The following SMURF2 variants were observed in gnomAD, a reference collection of about 807,000 sequenced individuals.
SMURF2 encodes the protein E3 ubiquitin-protein ligase SMURF2.
A neutral mutation model predicts 109.6 loss-of-function variants in SMURF2; 48 were observed. The observed-to-expected ratio is 0.44, with a 90% CI of 0.35 to 0.56. SMURF2 has a LOEUF of 0.56. Ranked by LOEUF, SMURF2 falls within the 20% of genes least tolerant of loss-of-function variation. The pLI is 0.01. For missense variants in SMURF2, 575 were observed against 909.0 expected (o/e 0.63, Z 4.72); for synonymous variants, 288 against 317.1 (o/e 0.91, Z 0.97).
At chr17:64,576,873 C>CTCT (rs1969500017) in intron 9 of SMURF2, among the ~76,000 whole-genome samples, 1 of 81,484 alleles carries the variant, frequency 1.2e-5, no homozygotes, top group Non-Finnish European at 2.3e-5. Flanking sequence ...TTTTTCTATC[C>CTCT]TTTTTTTTTT....
chr17:64,586,808 T>C (rs1467731119), intron 5 of SMURF2, among the ~76,000 whole-genome samples: 3 of 144,538 alleles, frequency 2.1e-5, no homozygotes, highest in Admixed American at 6.9e-5. Context: ...GGTGTATTCA[T>C]GTACAAAGAA....
At chr17:64,635,095 G>C (rs1555691971) in intron 1 of SMURF2, among the ~76,000 whole-genome samples, 1 of 152,112 alleles carries the variant, frequency 6.6e-6, no homozygotes, top group African/African-American at 2.4e-5. Flanking sequence ...GGGAGGCCAG[G>C]GTGAGTGGAT....
rs111717263 is a variant in SMURF2 at position 64,640,856 on chromosome 17, T to C, written c.52+20973A>G. Reference sequence around the variant, plus strand: ...ATCATCTGAACCAGGGAGTCGGAGATTGCAGTAAGCCGAGATCATGCCACA... The same window carrying C: ...ATCATCTGAACCAGGGAGTCGGAGACTGCAGTAAGCCGAGATCATGCCACA... On this transcript the variant is annotated intron_variant, in intron 1 of 18. Transcript: ENST00000262435. Among the ~76,000 whole-genome samples the C allele has an allele frequency of 2.1e-3, 314 of 151,166 alleles. 1 individual carries two copies. Among genetic ancestry groups the C allele is most frequent in the African/African-American group, 7.3e-3 (299 of 41,094 alleles).
chr17:64,643,287 T>C (rs1598312333), intron 1 of SMURF2, among the ~76,000 whole-genome samples: 1 of 152,162 alleles, frequency 6.6e-6, no homozygotes, highest in South Asian at 2.1e-4. Context: ...CCTCCCAAAG[T>C]GCTGAGATTA....
Position 64,546,416 on chromosome 17 carries a change from A to G in SMURF2, c.2072-78T>C, listed in dbSNP as rs1968955425. 5 of 1,272,766 alleles carry G rather than the reference A, an allele frequency of 3.9e-6. No individual in the cohort carries two copies. In the South Asian group the frequency reaches 6.3e-5, roughly 16 times the overall value. The allele number at this position is 1,272,766 out of a possible 1,614,324, so 78.8% of individuals were successfully genotyped here. A position where few individuals can be genotyped will look rare whatever the true frequency, so the allele number is the denominator to read the frequency against. ...CCAAAATCTTAAGAATAAAACTGGT[A>G]AGTTAACCACAGGATCTGGGGATAG... On this transcript the variant is annotated intron_variant, in intron 17 of 18. Coordinates refer to ENST00000262435, the MANE Select transcript of SMURF2 (RefSeq NM_022739.4).
At chr17:64,548,786 A>G (rs555643785) in intron 16 of SMURF2, among the ~76,000 whole-genome samples, 2 of 152,330 alleles carry the variant, frequency 1.3e-5, no homozygotes, top group African/African-American at 4.8e-5. Flanking sequence ...AGGGTCACAC[A>G]GATGAACTAT....
At chr17:64,613,848 T>C (rs1007120226) in intron 1 of SMURF2, among the ~76,000 whole-genome samples, 2 of 151,604 alleles carry the variant, frequency 1.3e-5, no homozygotes, top group Non-Finnish European at 2.9e-5. Context: ...TAATATATAA[T>C]AGAATAATTA....
At chr17:64,615,955 G>C (rs974916262) in intron 1 of SMURF2, among the ~76,000 whole-genome samples, 9 of 151,838 alleles carry the variant, frequency 5.9e-5, no homozygotes, top group African/African-American at 2.2e-4. Flanking sequence ...TCAGCCTCTC[G>C]AGTAGCTGGG....
chr17:64,661,072 T>C (rs1001569324), intron 1 of SMURF2, among the ~76,000 whole-genome samples: 10 of 151,902 alleles, frequency 6.6e-5, no homozygotes, highest in African/African-American at 2.2e-4. Context: ...TACTTAGCAA[T>C]GCACCCCCCC....
At chr17:64,578,849 T>C (rs1276325681) in intron 8 of SMURF2, among the ~76,000 whole-genome samples, 4 of 152,144 alleles carry the variant, frequency 2.6e-5, no homozygotes, top group Non-Finnish European at 4.4e-5. Context: ...CAAATCAAGA[T>C]TGTCACAATA....
chr17:64,588,231 A>G (rs1368055389), intron 5 of SMURF2, among the ~76,000 whole-genome samples: 1 of 152,116 alleles, frequency 6.6e-6, no homozygotes, highest in Non-Finnish European at 1.5e-5. Flanking sequence ...TCCCACGCTC[A>G]AACAATCCTC....
intron 11 of SMURF2, 84 bp downstream of exon 11, chr17:64,562,687 C>G (rs1969239589): frequency 1.4e-6 from 2 of 1,389,598 alleles, no homozygotes; most frequent in Non-Finnish European, 2.0e-6. Context: ...CAATTTCTCT[C>G]TAATTTAAAA....
At chr17:64,551,368 A>AG (rs1568170678) in intron 16 of SMURF2, among the ~76,000 whole-genome samples, 1 of 151,952 alleles carries the variant, frequency 6.6e-6, no homozygotes, top group Non-Finnish European at 1.5e-5. Flanking sequence ...GAAAAAAAAA[A>AG]AGAGAGAGAG....
intron 1 of SMURF2, among the ~76,000 whole-genome samples, chr17:64,649,893 C>T (rs1445634923): frequency 6.6e-6 from 1 of 152,046 alleles, no homozygotes; most frequent in Non-Finnish European, 1.5e-5. Flanking sequence ...ACATAAATAC[C>T]TAATTATATT....
intron 2 of SMURF2, among the ~76,000 whole-genome samples, chr17:64,599,842 T>C (rs1247341679): frequency 6.6e-6 from 1 of 152,154 alleles, no homozygotes; most frequent in Non-Finnish European, 1.5e-5. Context: ...GAAGGAGGAC[T>C]TTCCTAGCAA....
Position 64,662,073 on chromosome 17 carries a change from C to T in SMURF2, c.-193G>A. 1 of 1,091,594 alleles carries T rather than the reference C, an allele frequency of 9.2e-7. No individual in the cohort carries two copies. The highest frequency in any genetic ancestry group is 1.1e-6 in the Non-Finnish European group (1 of 898,482). The allele number at this position is 1,091,594 out of a possible 1,614,324, so 67.6% of individuals were successfully genotyped here. A position where few individuals can be genotyped will look rare whatever the true frequency, so the allele number is the denominator to read the frequency against. ...GAGCGGGACGCCGAGCTCCCCCCTCCTCCCACTTCTCCTTCCTCGGCCCGG... is the reference window on the plus strand; with the variant it reads ...GAGCGGGACGCCGAGCTCCCCCCTCTTCCCACTTCTCCTTCCTCGGCCCGG... On this transcript the variant is annotated 5_prime_UTR_variant, in exon 1 of 19. Transcript: ENST00000262435.
At chr17:64,616,943 T>C (rs1970131763) in intron 1 of SMURF2, among the ~76,000 whole-genome samples, 1 of 151,064 alleles carries the variant, frequency 6.6e-6, no homozygotes, top group Admixed American at 6.6e-5. Context: ...TAGCCCGGCA[T>C]GGTGGTGTGT....
Position 64,577,947 on chromosome 17 carries a change from T to C in SMURF2, c.857+545A>G, listed in dbSNP as rs560663507. 3.7e-3 allele frequency among the ~76,000 whole-genome samples: 547 copies of C among 146,644 alleles called. 3 individuals carry two copies. The highest frequency in any genetic ancestry group is 0.013 in the African/African-American group (495 of 39,556). Reference sequence around the variant, plus strand: ...GATCCATGTTTTCATTCCACTTTTTTTTTTTTTTTTTTTTTTGAGACAGAG... The same window carrying C: ...GATCCATGTTTTCATTCCACTTTTTCTTTTTTTTTTTTTTTTGAGACAGAG... On this transcript the variant is annotated intron_variant, in intron 9 of 18. Transcript: ENST00000262435.
intron 10 of SMURF2, among the ~76,000 whole-genome samples, chr17:64,569,488 G>C (rs1303730988): frequency 2.6e-5 from 4 of 151,314 alleles, no homozygotes; most frequent in African/African-American, 9.8e-5. Flanking sequence ...CTGGTCAATA[G>C]GCCAAAAAAA....
Sources: allele counts gnomAD v4.1 joint callset (sites outside exome capture counted in the v4.1 genomes callset), GRCh38; gene constraint gnomAD v4.1.1; transcripts MANE v1.5; gene names NCBI Gene and HGNC (gene_info 2026-07-23, HGNC 2026-07-21).